Variants in PIK3R5 observed in about 807,000 individuals in gnomAD.
PIK3R5 encodes the protein phosphoinositide 3-kinase regulatory subunit 5.
A neutral mutation model predicts 94.9 loss-of-function variants in PIK3R5; 32 were observed. The observed-to-expected ratio is 0.34, with a 90% CI of 0.25 to 0.45. The LOEUF is 0.45. PIK3R5 is among the 20% of genes least tolerant of loss of function. The pLI is 1.00. For synonymous variants in PIK3R5, 443 were observed against 479.4 expected (o/e 0.92, Z 0.99); for missense variants, 853 against 1,144.6 (o/e 0.75, Z 3.68).
At chr17:8,960,196 G>A (rs928220785) in intron 1 of PIK3R5, among the ~76,000 whole-genome samples, 3 of 152,162 alleles carry the variant, frequency 2.0e-5, no homozygotes, top group African/African-American at 7.2e-5. Flanking sequence ...TGAAAAGAAT[G>A]CTGGAGAGAA....
intron 1 of PIK3R5, among the ~76,000 whole-genome samples, chr17:8,939,463 T>C (rs761434854): frequency 1.3e-5 from 2 of 152,198 alleles, no homozygotes; most frequent in Non-Finnish European, 2.9e-5. Context: ...ATTTATGAAA[T>C]GGGAGTATAC....
rs1198802068 is a variant in PIK3R5, at chr17:8,887,682, G to A, written c.1618C>T (p.Arg540Trp). The change falls in exon 11 of 19, where the codon CGG (arginine) becomes TGG (tryptophan). Residue 540 changes from arginine to tryptophan, a missense_variant and splice_region_variant. By Grantham distance (101) the Arg-to-Trp change is moderately radical (BLOSUM62 -3). Coordinates refer to ENST00000447110, the MANE Select transcript of PIK3R5 (RefSeq NM_001142633.3). ...KVARAYSNLR[R>W]LENNRPLLTR... ...AGGAGTGGGCGATTGTTCTCCAGCC[G>A]CCTGGCAAGAAGAAGATGGTGAGAA... is the stretch of plus-strand genomic sequence containing the variant. 2 of 1,590,622 alleles carry A rather than the reference G, an allele frequency of 1.3e-6. No homozygotes were observed. The highest frequency in any genetic ancestry group is 1.1e-5 in the South Asian group (1 of 87,666).
chr17:8,933,187 G>A (rs552171199), intron 1 of PIK3R5, among the ~76,000 whole-genome samples: 14 of 152,238 alleles, frequency 9.2e-5, no homozygotes, highest in African/African-American at 2.6e-4. Flanking sequence ...AAACTTAATG[G>A]TGTGATTGAA....
intron 5 of PIK3R5, among the ~76,000 whole-genome samples, chr17:8,902,985 A>C (rs1597389821): frequency 6.6e-6 from 1 of 151,934 alleles, no homozygotes; most frequent in Non-Finnish European, 1.5e-5. Context: ...AGCTGGGATT[A>C]CAGGCTCATG....
chr17:8,943,043 C>T (rs865988203), intron 1 of PIK3R5, among the ~76,000 whole-genome samples: 8 of 151,740 alleles, frequency 5.3e-5, no homozygotes, highest in African/African-American at 1.9e-4. Flanking sequence ...TAGCACATCA[C>T]TCCTAAACAT....
Position 8,945,143 on chromosome 17 carries a change from C to T in PIK3R5, c.-14+20453G>A, listed in dbSNP as rs2091251244. 6.6e-6 allele frequency among the ~76,000 whole-genome samples: 1 copy of T among 152,110 alleles called. No homozygotes were observed. The highest frequency in any genetic ancestry group is 2.1e-4 in the South Asian group (1 of 4,820). On this transcript the variant is annotated intron_variant, in intron 1 of 18. Transcript: ENST00000447110. The surrounding 1 kb of genome is among the most constrained non-coding windows in gnomAD (Gnocchi z 4.0). ...CTTCTAGCCAAACCCTGGCTCGGCC[C>T]CTCACCCCACTTCGAAGAGGGGATC...
chr17:8,931,909 A>G (rs1443589766), intron 1 of PIK3R5, among the ~76,000 whole-genome samples: 1 of 152,244 alleles, frequency 6.6e-6, no homozygotes, highest in Non-Finnish European at 1.5e-5. Context: ...GAAACACTTG[A>G]AAGGATCCTG....
intron 1 of PIK3R5, among the ~76,000 whole-genome samples, chr17:8,958,841 C>T (rs2091509357): frequency 6.6e-6 from 1 of 151,970 alleles, no homozygotes; most frequent in Non-Finnish European, 1.5e-5. Flanking sequence ...TCACCACAAC[C>T]TCCGCCTCCG....
In PIK3R5 at chr17:8,888,101, G is replaced by T. The variant is rs1287336621; in HGVS notation, c.1616+70C>A. The T allele has an allele frequency of 3.5e-6, 5 of 1,446,656 alleles. No individual in the cohort carries two copies. The East Asian group carries it at 9.3e-5, about 27-fold the overall frequency. 89.6% of individuals were successfully genotyped at this position (1,446,656 alleles called of 1,614,324 possible). A position where few individuals can be genotyped will look rare whatever the true frequency, so the allele number is the denominator to read the frequency against. Reference sequence around the variant, plus strand: ...GTTCCTCTGGGGCCCTAAGCCTCAGGCCCCAGATTCCACCAGCACAACAAC... The same window carrying T: ...GTTCCTCTGGGGCCCTAAGCCTCAGTCCCCAGATTCCACCAGCACAACAAC... On this transcript the variant is annotated intron_variant, in intron 10 of 18. Transcript: ENST00000447110. This position sits in a 1 kb window ranked among gnomAD's most constrained non-coding sequence, Gnocchi z 7.8.
rs61759580 is a variant in PIK3R5 at position 8,907,562 on chromosome 17, T to C, written c.204+1512A>G. Among the ~76,000 whole-genome samples, 1,369 of 151,840 alleles carry C rather than the reference T, an allele frequency of 9.0e-3. 23 individuals carry two copies. Among genetic ancestry groups the C allele is most frequent in the African/African-American group, 0.031 (1,296 of 41,358 alleles). On this transcript the variant is annotated intron_variant, in intron 3 of 18. Transcript: ENST00000447110. ...TCCAAAAGGATTTTGCCATTTATACTATCTATATATATAAAAGTACGATTT... is the reference window on the plus strand; with the variant it reads ...TCCAAAAGGATTTTGCCATTTATACCATCTATATATATAAAAGTACGATTT...
intron 1 of PIK3R5, among the ~76,000 whole-genome samples, chr17:8,915,069 G>A (rs538360199): frequency 2.6e-5 from 4 of 152,278 alleles, no homozygotes; most frequent in Non-Finnish European, 2.9e-5. Flanking sequence ...CAGCACAGTC[G>A]GAGGCAGTTA....
chr17:8,907,225 G>A (rs2090416275), intron 3 of PIK3R5, among the ~76,000 whole-genome samples: 1 of 151,580 alleles, frequency 6.6e-6, no homozygotes, highest in Non-Finnish European at 1.5e-5. Flanking sequence ...TAGAGATGGG[G>A]TCTCACCATG....
intron 1 of PIK3R5, among the ~76,000 whole-genome samples, chr17:8,912,791 A>T (rs1326862421): frequency 6.6e-6 from 1 of 152,256 alleles, no homozygotes; most frequent in South Asian, 2.1e-4. Context: ...GAGGCCCCAC[A>T]CAGGCAAATC....
intron 3 of PIK3R5, among the ~76,000 whole-genome samples, chr17:8,907,310 C>T (rs1046777195): frequency 1.2e-4 from 18 of 152,008 alleles, no homozygotes; most frequent in Non-Finnish European, 1.8e-4. Context: ...GGATTACAGG[C>T]GTGAGCCACC....
chr17:8,956,651 C>G (rs1342793751), intron 1 of PIK3R5, among the ~76,000 whole-genome samples: 6 of 152,182 alleles, frequency 3.9e-5, no homozygotes, highest in Admixed American at 3.9e-4. Flanking sequence ...AAGGAGAGCG[C>G]AGAGCTTTTC....
At position 8,882,861 on chromosome 17, in the gene PIK3R5, T is replaced by G. The variant is rs946642669; in HGVS notation, c.2206-980A>C. Among the ~76,000 whole-genome samples, 1 of 146,346 alleles carries G rather than the reference T, an allele frequency of 6.8e-6. No homozygotes were observed. Among genetic ancestry groups the G allele is most frequent in the Non-Finnish European group, 1.5e-5 (1 of 67,592 alleles). ...TCCAGCTCTGCCACCACTACCCTAG[T>G]GCAGGCTGCTGCCCTAATTTCTCTT... On this transcript the variant is annotated intron_variant, in intron 15 of 18. Transcript: ENST00000447110. The surrounding 1 kb of genome is among the most constrained non-coding windows in gnomAD (Gnocchi z 4.1).
Position 8,893,155 on chromosome 17 carries a change from G to A in PIK3R5, c.482+431C>T, listed in dbSNP as rs747238297. Reference sequence around the variant, plus strand: ...CTGGTCAAAAAAGTTTGGAAACACTGTTTTAGTAACAGACAGAAGGAGATT... The same window carrying A: ...CTGGTCAAAAAAGTTTGGAAACACTATTTTAGTAACAGACAGAAGGAGATT... On this transcript the variant is annotated intron_variant, in intron 6 of 18. Coordinates refer to ENST00000447110, the MANE Select transcript of PIK3R5 (RefSeq NM_001142633.3). This position sits in a 1 kb window ranked among gnomAD's most constrained non-coding sequence, Gnocchi z 5.1. Among the ~76,000 whole-genome samples, 9 of 152,000 alleles carry A rather than the reference G, an allele frequency of 5.9e-5. No individual in the cohort carries two copies. The highest frequency in any genetic ancestry group is 1.2e-4 in the Non-Finnish European group (8 of 67,996).
chr17:8,961,385 AG>A (rs1246655021), intron 1 of PIK3R5, among the ~76,000 whole-genome samples: 3 of 152,188 alleles, frequency 2.0e-5, no homozygotes, highest in Non-Finnish European at 2.9e-5. Flanking sequence ...CTGTAATCCC[AG>A]CACTTTGGGA....
chr17:8,896,797 C>G lies in PIK3R5; in HGVS notation c.413-3142G>C, dbSNP rs1437348646. On this transcript the variant is annotated intron_variant, in intron 5 of 18. Transcript: ENST00000447110. The surrounding 1 kb of genome is among the most constrained non-coding windows in gnomAD (Gnocchi z 4.0). ...GCTGAGGGTGATGTGGGTACTTGAG[C>G]CTGGGGGAGGCAGGGAGCAACCACA... is the stretch of plus-strand genomic sequence containing the variant. Among the ~76,000 whole-genome samples, 1 of 152,122 alleles carries G rather than the reference C, an allele frequency of 6.6e-6. No individual in the cohort carries two copies. Among genetic ancestry groups the G allele is most frequent in the Non-Finnish European group, 1.5e-5 (1 of 68,018 alleles).
Sources: gnomAD v4.1 joint callset for allele counts (sites outside exome capture counted in the v4.1 genomes callset) on GRCh38, gnomAD v4.1.1 for gene constraint, Gnocchi (gnomAD v3.1) non-coding constraint, MANE v1.5 for transcripts, NCBI Gene and HGNC (gene_info 2026-07-23, HGNC 2026-07-21) for gene names.